PLEKHA8: variants seen among roughly 807,000 people sequenced by gnomAD.
The protein encoded by PLEKHA8 is pleckstrin homology domain-containing family A member 8.
Under a neutral mutation model 68.2 loss-of-function variants are expected in PLEKHA8, and 36 were observed. The ratio of observed to expected loss-of-function variants is 0.53; its 90% CI spans 0.40 to 0.70. PLEKHA8 has a LOEUF of 0.70. PLEKHA8 is among the 30% of genes least tolerant of loss of function. The pLI, the probability that PLEKHA8 is intolerant of heterozygous loss-of-function variation, is 0.00. For synonymous variants in PLEKHA8, 211 were observed against 216.1 expected (o/e 0.98, Z 0.20); for missense variants, 505 against 615.4 (o/e 0.82, Z 1.90).
chr7:30,075,244 A>G (rs1475664890), intron 13 of PLEKHA8: 2 of 152,186 alleles, frequency 1.3e-5, no homozygotes, highest in East Asian at 1.9e-4. Flanking sequence ...TTTTGAAAGC[A>G]TGGAGATTAA....
chr7:30,121,816 G>A, intron 13 of PLEKHA8, among the ~76,000 whole-genome samples: 1 of 152,166 alleles, frequency 6.6e-6, no homozygotes, highest in Non-Finnish European at 1.5e-5. Context: ...GCTATTTCCA[G>A]GAAAAGATGC....
intron 11 of PLEKHA8, 143 bp downstream of exon 11, chr7:30,062,170 A>C (rs1208116653): frequency 1.0e-6 from 1 of 952,554 alleles, no homozygotes; most frequent in Non-Finnish European, 1.5e-6. Flanking sequence ...CTAATGAATA[A>C]TACCACCTTA....
At chr7:30,056,312 C>CTCTCTCTATATATATATATATA (rs796845171) in intron 9 of PLEKHA8, among the ~76,000 whole-genome samples, 1 of 94,544 alleles carries the variant, frequency 1.1e-5, no homozygotes, top group African/African-American at 3.9e-5. Flanking sequence ...CTCTCTCTCT[C>CTCTCTCTATATATATATATATA]TATATATATA....
chr7:30,116,282 A>G (rs1364899517), intron 13 of PLEKHA8, among the ~76,000 whole-genome samples: 4 of 151,708 alleles, frequency 2.6e-5, no homozygotes, highest in East Asian at 3.9e-4. Flanking sequence ...ATGTATGTAT[A>G]CATGTATGTA....
intron 1 of PLEKHA8, among the ~76,000 whole-genome samples, chr7:30,039,430 G>A (rs985047412): frequency 6.6e-6 from 1 of 152,170 alleles, no homozygotes; most frequent in Non-Finnish European, 1.5e-5. Context: ...CAGGAGAATC[G>A]CTTGAACTCG....
intron 9 of PLEKHA8, 96 bp downstream of exon 9, chr7:30,055,438 T>G (rs1792768394): frequency 1.0e-5 from 11 of 1,053,556 alleles, no homozygotes; most frequent in Non-Finnish European, 1.6e-5. Context: ...ATGTGTACAG[T>G]GAGATGACCC....
At chr7:30,103,268 A>C (rs548957287) in intron 13 of PLEKHA8, among the ~76,000 whole-genome samples, 41 of 152,356 alleles carry the variant, frequency 2.7e-4, no homozygotes, top group Non-Finnish European at 4.0e-4. Flanking sequence ...ATAATTTAAA[A>C]AAATTAATAA....
intron 12 of PLEKHA8, among the ~76,000 whole-genome samples, chr7:30,065,142 C>G (rs902866482): frequency 1.3e-5 from 2 of 152,192 alleles, no homozygotes; most frequent in African/African-American, 4.8e-5. Flanking sequence ...AAAGAGGAGA[C>G]TTTGAAGGGC....
At chr7:30,035,708 A>G (rs1791011695) in intron 1 of PLEKHA8, among the ~76,000 whole-genome samples, 1 of 151,990 alleles carries the variant, frequency 6.6e-6, no homozygotes, top group Non-Finnish European at 1.5e-5. Context: ...GCAGTGGCAC[A>G]ATGTCGGCTC....
At chr7:30,036,155 C>T (rs974226787) in intron 1 of PLEKHA8, among the ~76,000 whole-genome samples, 8 of 151,994 alleles carry the variant, frequency 5.3e-5, no homozygotes, top group Admixed American at 1.3e-4. Context: ...ACTTGGGAGG[C>T]TGAGGCACCA....
chr7:30,049,086 TCTTTTA>T (rs1792193867), intron 4 of PLEKHA8, 132 bp from the exon 5 acceptor site: 3 of 1,040,178 alleles, frequency 2.9e-6, no homozygotes, highest in Non-Finnish European at 4.3e-6. Context: ...ATTGGGCTTT[TCTTTTA>T]TAACTGATGT....
chr7:30,081,046 C>T lies in PLEKHA8; in HGVS notation c.*2259C>T, dbSNP rs1415125618. Reference sequence around the variant, plus strand: ...AAATACCTCAGGTTTGCCACCGCAACTCTGAATACACACAAAAGGAAAGCT... The same window carrying T: ...AAATACCTCAGGTTTGCCACCGCAATTCTGAATACACACAAAAGGAAAGCT... On this transcript the variant is annotated 3_prime_UTR_variant, in exon 14 of 14. Transcript: ENST00000449726. 1 of 985,210 alleles carries T rather than the reference C, an allele frequency of 1.0e-6. No individual in the cohort carries two copies. Among genetic ancestry groups the T allele is most frequent in the Non-Finnish European group, 1.2e-6 (1 of 829,928 alleles). The allele number at this position is 985,210 out of a possible 1,614,324, so 61.0% of individuals were successfully genotyped here. A position where few individuals can be genotyped will look rare whatever the true frequency, so the allele number is the denominator to read the frequency against.
intron 9 of PLEKHA8, among the ~76,000 whole-genome samples, chr7:30,056,386 A>T (rs28619411): frequency 0.46 from 63,537 of 137,236 alleles, 16,650 homozygotes; most frequent in East Asian, 0.82. Flanking sequence ...ACATATATAT[A>T]ATATATATAA....
chr7:30,054,937 C>A, intron 8 of PLEKHA8, 72 bp downstream of exon 8: 1 of 1,398,796 alleles, frequency 7.1e-7, no homozygotes, highest in South Asian at 1.4e-5. Flanking sequence ...TCATGGTGTT[C>A]CTTTCAGGTG....
downstream of PLEKHA8, among the ~76,000 whole-genome samples, chr7:30,092,499 C>T (rs984895367): frequency 6.6e-6 from 1 of 152,106 alleles, no homozygotes; most frequent in African/African-American, 2.4e-5. Context: ...AGCCCCGGAG[C>T]CAGCTGCAGT....
intron 13 of PLEKHA8, among the ~76,000 whole-genome samples, chr7:30,100,503 A>G (rs1404552296): frequency 6.6e-6 from 1 of 152,024 alleles, no homozygotes; most frequent in Non-Finnish European, 1.5e-5. Context: ...AGGGAGCAAG[A>G]TCACACCACT....
downstream of PLEKHA8, among the ~76,000 whole-genome samples, chr7:30,092,038 A>C (rs891847793): frequency 6.6e-6 from 1 of 152,204 alleles, no homozygotes; most frequent in African/African-American, 2.4e-5. Context: ...GTATGTGAGC[A>C]ACTAAGGACC....
rs1366372007 is a variant in PLEKHA8 at position 30,084,546 on chromosome 7, G to C, written c.*5759G>C. 2 of 985,156 alleles carry C rather than the reference G, an allele frequency of 2.0e-6. No individual in the cohort carries two copies. The highest frequency in any genetic ancestry group is 2.4e-6 in the Non-Finnish European group (2 of 829,844). 61.0% of individuals were successfully genotyped at this position (985,156 alleles called of 1,614,324 possible). A position where few individuals can be genotyped will look rare whatever the true frequency, so the allele number is the denominator to read the frequency against. On this transcript the variant is annotated 3_prime_UTR_variant, in exon 14 of 14. Transcript: ENST00000449726. ...TGTCCAAGTCCTTATTCTCTATCTT[G>C]TGGGGAGGGGTGACAGGGGAGGGTT...
intron 1 of PLEKHA8, among the ~76,000 whole-genome samples, chr7:30,039,313 G>A (rs1021909236): frequency 2.0e-5 from 3 of 152,104 alleles, no homozygotes; most frequent in East Asian, 1.9e-4. Context: ...TCAGGAGTTC[G>A]AGAACAGCCT....
Sources: allele counts gnomAD v4.1 joint callset (sites outside exome capture counted in the v4.1 genomes callset), GRCh38; gene constraint gnomAD v4.1.1; transcripts MANE v1.5; gene names NCBI Gene and HGNC (gene_info 2026-07-23, HGNC 2026-07-21).